MCF2L2: variants seen among roughly 807,000 people sequenced by gnomAD.
MCF2L2 encodes the protein probable guanine nucleotide exchange factor MCF2L2.
In MCF2L2, 102 loss-of-function variants were observed where a neutral mutation model predicts 150.2. That is an observed-to-expected ratio of 0.68 (90% CI 0.58 to 0.80). The LOEUF (loss-of-function observed/expected upper bound fraction) is 0.80. Ranked by LOEUF, MCF2L2 falls within the 30% of genes least tolerant of loss-of-function variation. The probability of loss-of-function intolerance (pLI) is 0.00; values close to 1 mark genes in which losing one functional copy is unlikely to be tolerated. For synonymous variants in MCF2L2, 465 were observed against 491.3 expected (o/e 0.95, Z 0.71); for missense variants, 1,256 against 1,372.8 (o/e 0.91, Z 1.34).
chr3:183,311,387 A>C (rs1020759776), intron 8 of MCF2L2, among the ~76,000 whole-genome samples: 1 of 152,204 alleles, frequency 6.6e-6, no homozygotes, highest in Non-Finnish European at 1.5e-5. Flanking sequence ...AAGCCCAGTA[A>C]ATACTACCCT....
At chr3:183,342,191 C>T (rs535305471) in intron 3 of MCF2L2, among the ~76,000 whole-genome samples, 7 of 152,194 alleles carry the variant, frequency 4.6e-5, no homozygotes, top group Non-Finnish European at 8.8e-5. Flanking sequence ...GCTGTTTGGT[C>T]CCCTCTCAAG....
chr3:183,386,858 C>T (rs1445683885), intron 2 of MCF2L2, among the ~76,000 whole-genome samples: 1 of 152,170 alleles, frequency 6.6e-6, no homozygotes, highest in Non-Finnish European at 1.5e-5. Context: ...CCTCTGATTC[C>T]AAACAAAGTG....
chr3:183,275,690 T>A (rs1182794567), intron 15 of MCF2L2, among the ~76,000 whole-genome samples: 1 of 152,190 alleles, frequency 6.6e-6, no homozygotes, highest in Non-Finnish European at 1.5e-5. Context: ...CTTAGCTCAC[T>A]GCAGACTTAG....
chr3:183,316,150 G>C (rs1729593272), intron 7 of MCF2L2, among the ~76,000 whole-genome samples: 1 of 152,176 alleles, frequency 6.6e-6, no homozygotes, highest in Non-Finnish European at 1.5e-5. Flanking sequence ...CTTCATGGAG[G>C]CACCTGGACC....
At chr3:183,369,814 T>C (rs1225574850) in intron 3 of MCF2L2, among the ~76,000 whole-genome samples, 1 of 152,218 alleles carries the variant, frequency 6.6e-6, no homozygotes, top group Non-Finnish European at 1.5e-5. Context: ...CTCTGGCTCA[T>C]AGTCTTGGAA....
intron 15 of MCF2L2, among the ~76,000 whole-genome samples, chr3:183,266,565 T>C (rs1254597003): frequency 2.0e-5 from 3 of 152,178 alleles, no homozygotes; most frequent in Admixed American, 2.0e-4. Flanking sequence ...CAGAGGATGG[T>C]TGTTATCTGG....
At chr3:183,288,086 T>G (rs1189674931) in intron 14 of MCF2L2, among the ~76,000 whole-genome samples, 1 of 152,214 alleles carries the variant, frequency 6.6e-6, no homozygotes, top group African/African-American at 2.4e-5. Context: ...ACACTTCAGT[T>G]TCTAAATATA....
chr3:183,423,632 GTTTTTT>G (rs34400256), intron 1 of MCF2L2, among the ~76,000 whole-genome samples: 96 of 92,052 alleles, frequency 1.0e-3, no homozygotes, highest in African/African-American at 3.5e-3. Flanking sequence ...AATTTTATTT[GTTTTTT>G]TTTTTTTTTT....
intron 16 of MCF2L2, among the ~76,000 whole-genome samples, chr3:183,230,678 T>C (rs1358764836): frequency 6.6e-6 from 1 of 152,232 alleles, no homozygotes; most frequent in Non-Finnish European, 1.5e-5. Context: ...GGAACACTTA[T>C]AATATCCTTT....
chr3:183,251,494 G>C (rs949504164), intron 15 of MCF2L2, among the ~76,000 whole-genome samples: 1 of 152,020 alleles, frequency 6.6e-6, no homozygotes, highest in Non-Finnish European at 1.5e-5. Context: ...TATCCCTGCC[G>C]AGTCTAACAT....
intron 3 of MCF2L2, among the ~76,000 whole-genome samples, chr3:183,365,691 G>C (rs1712480841): frequency 6.6e-6 from 1 of 152,068 alleles, no homozygotes; most frequent in Non-Finnish European, 1.5e-5. Context: ...CTATAAGCTA[G>C]ATTTAGGAAA....
At chr3:183,361,070 CAGAAG>C (rs879802085) in intron 3 of MCF2L2, among the ~76,000 whole-genome samples, 1 of 109,164 alleles carries the variant, frequency 9.2e-6, no homozygotes, top group Non-Finnish European at 1.8e-5. Context: ...CCAGATAAGA[CAGAAG>C]AGAAGACAAG....
Position 183,215,960 on chromosome 3 carries a change from G to A in MCF2L2, c.2496+9C>T, listed in dbSNP as rs776034686. ...GTGTGAGATGCTCTAACACTACTAT[G>A]GAACATACCGGACATTCAGTCACTG... On this transcript the variant is annotated intron_variant, in intron 22 of 29. Coordinates refer to ENST00000328913, the MANE Select transcript of MCF2L2 (RefSeq NM_015078.4). The A allele has an allele frequency of 1.9e-6, 3 of 1,612,228 alleles. No homozygotes were observed. Among genetic ancestry groups the A allele is most frequent in the Non-Finnish European group, 1.7e-6 (2 of 1,179,140 alleles).
chr3:183,238,615 G>A (rs1723853678), intron 15 of MCF2L2, among the ~76,000 whole-genome samples: 1 of 151,374 alleles, frequency 6.6e-6, no homozygotes, highest in Admixed American at 6.6e-5. Flanking sequence ...TTTTATGTGT[G>A]GCCCAAGACA....
chr3:183,363,570 C>T (rs1437939305), intron 3 of MCF2L2, among the ~76,000 whole-genome samples: 1 of 132,552 alleles, frequency 7.5e-6, no homozygotes, highest in Admixed American at 7.4e-5. Context: ...ATAGGGAGAC[C>T]CCAACTCTAC....
intron 25 of MCF2L2, among the ~76,000 whole-genome samples, chr3:183,204,939 A>G (rs532876721): frequency 2.6e-5 from 4 of 152,346 alleles, no homozygotes; most frequent in East Asian, 1.9e-4. Context: ...AAAACATCCA[A>G]TAGAGACAGG....
At chr3:183,185,938 G>A (rs919078547) in intron 27 of MCF2L2, among the ~76,000 whole-genome samples, 68 of 151,934 alleles carry the variant, frequency 4.5e-4, no homozygotes, top group African/African-American at 1.5e-3. Context: ...TGTTGTCAAA[G>A]TCCCTGCCAG....
chr3:183,424,719 C>A lies in MCF2L2; in HGVS notation c.76+3183G>T, dbSNP rs115809654. Among the ~76,000 whole-genome samples the A allele has an allele frequency of 5.6e-3, 855 of 152,238 alleles. 4 individuals carry two copies. The highest frequency in any genetic ancestry group is 0.02 in the African/African-American group (818 of 41,534). On this transcript the variant is annotated intron_variant, in intron 1 of 29. Transcript: ENST00000328913. ...GTCAGGAGTCATCATGTCCCACCAGCAAGATCAGAAATGATACCATGAAGG... is the reference window on the plus strand; with the variant it reads ...GTCAGGAGTCATCATGTCCCACCAGAAAGATCAGAAATGATACCATGAAGG...
intron 5 of MCF2L2, among the ~76,000 whole-genome samples, chr3:183,332,060 TTATAA>T (rs977543869): frequency 2.0e-5 from 3 of 152,096 alleles, no homozygotes; most frequent in African/African-American, 2.4e-5. Flanking sequence ...CAGGAAGATG[TTATAA>T]TATAAGAGAG....
Sources: allele counts gnomAD v4.1 joint callset (sites outside exome capture counted in the v4.1 genomes callset), GRCh38; gene constraint gnomAD v4.1.1; transcripts MANE v1.5; gene names NCBI Gene and HGNC (gene_info 2026-07-23, HGNC 2026-07-21).